The following STK33 variants were observed in gnomAD, a reference collection of about 807,000 sequenced individuals.
STK33 encodes the protein serine/threonine-protein kinase 33.
STK33 carries 52 observed loss-of-function variants against 58.0 expected under a neutral mutation model. That is an observed-to-expected ratio of 0.90 (90% CI 0.72 to 1.13). STK33 has a LOEUF of 1.13. STK33 is among the 50% of genes most tolerant of loss of function. The pLI is 0.00. For missense variants in STK33, 630 were observed against 604.2 expected, an observed-to-expected ratio of 1.04 and a Z score of -0.45; for synonymous variants, 215 against 200.1, an observed-to-expected ratio of 1.07 and a Z score of -0.63.
At chr11:8,359,814 A>G in the STK33 span, among the ~76,000 whole-genome samples, 1 of 152,260 alleles carries the variant, frequency 6.6e-6, no homozygotes, top group Non-Finnish European at 1.5e-5. Context: ...GTCTAGCAGA[A>G]CTTGCCTGGG....
chr11:8,354,678 C>T, the STK33 span, among the ~76,000 whole-genome samples: 1 of 152,248 alleles, frequency 6.6e-6, no homozygotes, highest in Non-Finnish European at 1.5e-5. Flanking sequence ...ACAGAGCTGC[C>T]ACCTTCTGTT....
chr11:8,519,897 C>G (rs187006335), intron 1 of STK33, among the ~76,000 whole-genome samples: 149 of 152,240 alleles, frequency 9.8e-4, no homozygotes, highest in African/African-American at 3.5e-3. Context: ...GATTCACAGC[C>G]GAATTCTACC....
chr11:8,385,827 T>C, the STK33 span, among the ~76,000 whole-genome samples: 1 of 151,662 alleles, frequency 6.6e-6, no homozygotes, highest in South Asian at 2.1e-4. Context: ...CAGGCTGGAG[T>C]GCAGCGGCGC....
chr11:8,406,874 A>C (rs1163799419), intron 15 of STK33, among the ~76,000 whole-genome samples: 3 of 152,054 alleles, frequency 2.0e-5, no homozygotes, highest in Non-Finnish European at 2.9e-5. Context: ...TACAATGATA[A>C]AGAGAATTAG....
the STK33 span, among the ~76,000 whole-genome samples, chr11:8,348,158 A>G: frequency 2.0e-5 from 3 of 152,306 alleles, no homozygotes; most frequent in African/African-American, 4.8e-5. Context: ...GCTGCATTTT[A>G]GTGGCTCAGA....
At chr11:8,490,116 T>G (rs1591446310) in intron 1 of STK33, among the ~76,000 whole-genome samples, 1 of 152,200 alleles carries the variant, frequency 6.6e-6, no homozygotes, top group African/African-American at 2.4e-5. Context: ...GGGCGAGGCG[T>G]TGCCTCACCC....
At position 8,540,126 on chromosome 11, in the gene STK33, G is replaced by A. The variant is rs527571704; in HGVS notation, c.-466+53957C>T. Among the ~76,000 whole-genome samples the A allele has an allele frequency of 7.2e-5, 11 of 152,134 alleles. No individual in the cohort carries two copies. The South Asian group carries it at 1.2e-3, about 17-fold the overall frequency. On this transcript the variant is annotated intron_variant, in intron 1 of 15. Coordinates refer to ENST00000687296, the MANE Select transcript of STK33 (RefSeq NM_001352389.2). ...TATATGCACTCCCATGTTGATTACC[G>A]CATTATTCACAATAGCCAAGATATG...
rs1183727140 is a variant in STK33 at position 8,585,060 on chromosome 11, T to C, written c.-466+9023A>G. 2.0e-5 allele frequency among the ~76,000 whole-genome samples: 3 copies of C among 149,124 alleles called. No homozygotes were observed. The East Asian group carries it at 6.0e-4, about 30-fold the overall frequency. On this transcript the variant is annotated intron_variant, in intron 1 of 15. Coordinates refer to ENST00000687296, the MANE Select transcript of STK33 (RefSeq NM_001352389.2). The stretch of plus-strand genomic sequence containing the variant: ...GCCTCAGCCTCCCAAAGAGCTGGGA[T>C]TACACGCATGCACCACCAAGCTCTG...
intron 1 of STK33, among the ~76,000 whole-genome samples, chr11:8,542,973 A>G (rs1438299995): frequency 6.6e-6 from 1 of 152,082 alleles, no homozygotes; most frequent in Non-Finnish European, 1.5e-5. Flanking sequence ...AGCCTCCCAA[A>G]GTGCTGGGAC....
chr11:8,372,641 C>T, the STK33 span, among the ~76,000 whole-genome samples: 4 of 152,336 alleles, frequency 2.6e-5, no homozygotes, highest in East Asian at 3.9e-4. Context: ...GGTTGAAGGG[C>T]GGCTAGTCCT....
chr11:8,475,242 G>A (rs142269037), intron 4 of STK33, 176 bp from the exon 5 acceptor site: 112 of 194,802 alleles, frequency 5.7e-4, no homozygotes, highest in African/African-American at 2.2e-3. Flanking sequence ...ATCAAACTGC[G>A]TAGTGGGTTA....
At chr11:8,576,713 A>T (rs1274203782) in intron 1 of STK33, among the ~76,000 whole-genome samples, 1 of 152,200 alleles carries the variant, frequency 6.6e-6, no homozygotes, top group African/African-American at 2.4e-5. Context: ...CACTTTACAG[A>T]TCATGAAACA....
chr11:8,549,203 T>C (rs999660700), intron 1 of STK33, among the ~76,000 whole-genome samples: 1 of 152,224 alleles, frequency 6.6e-6, no homozygotes, highest in Admixed American at 6.5e-5. Context: ...TTGTATTGAA[T>C]ACTTTTTCAG....
chr11:8,402,772 G>A (rs1188613187), intron 15 of STK33, among the ~76,000 whole-genome samples: 1 of 152,128 alleles, frequency 6.6e-6, no homozygotes, highest in Non-Finnish European at 1.5e-5. Flanking sequence ...TTCCTGGAGT[G>A]GGCAAGGCAA....
At chr11:8,488,588 A>C (rs1039473263) in intron 1 of STK33, among the ~76,000 whole-genome samples, 1 of 152,094 alleles carries the variant, frequency 6.6e-6, no homozygotes, top group Non-Finnish European at 1.5e-5. Context: ...CATTGGAGGA[A>C]ATCTTTTCCA....
At chr11:8,368,786 C>G in the STK33 span, among the ~76,000 whole-genome samples, 14 of 152,202 alleles carry the variant, frequency 9.2e-5, no homozygotes, top group African/African-American at 2.9e-4. Context: ...AATAACTTAC[C>G]GCATTTCCCC....
At chr11:8,505,697 C>G (rs566041108) in intron 1 of STK33, among the ~76,000 whole-genome samples, 1 of 152,342 alleles carries the variant, frequency 6.6e-6, no homozygotes, top group Non-Finnish European at 1.5e-5. Flanking sequence ...ACAGGCAACA[C>G]ACTTACTTCG....
the STK33 span, among the ~76,000 whole-genome samples, chr11:8,351,097 C>A: frequency 1.8e-4 from 27 of 152,112 alleles, no homozygotes; most frequent in Non-Finnish European, 3.2e-4. Flanking sequence ...AACTAACTAC[C>A]CCTTAAATGA....
chr11:8,559,500 C>A (rs2140904377), intron 1 of STK33, among the ~76,000 whole-genome samples: 1 of 152,286 alleles, frequency 6.6e-6, no homozygotes, highest in South Asian at 2.1e-4. Flanking sequence ...TTATCTGTTC[C>A]ACAAGCTAAG....
Sources: gnomAD v4.1 joint callset for allele counts (sites outside exome capture counted in the v4.1 genomes callset) on GRCh38, gnomAD v4.1.1 for gene constraint, MANE v1.5 for transcripts, NCBI Gene and HGNC (gene_info 2026-07-23, HGNC 2026-07-21) for gene names.